PLAC1: variants seen among roughly 807,000 people sequenced by gnomAD.
PLAC1 encodes the protein placenta-specific protein 1.
For synonymous variants in PLAC1, 68 were observed against 62.1 expected (o/e 1.09, Z -0.44); for missense variants, 136 against 163.2 (o/e 0.83, Z 0.91).
chrX:134,651,856 CCAGA>C (rs2078365151), intron 1 of PLAC1, among the ~76,000 whole-genome samples: 1 of 110,712 alleles, frequency 9.0e-6, no homozygotes, highest in South Asian at 3.9e-4. Context: ...TCCCCCATAC[CCAGA>C]CAAAATGTGT....
At chrX:134,685,449 C>CTTTTTTTTTTTTTTTT (rs200498313) in intron 2 of PLAC1, among the ~76,000 whole-genome samples, 1 of 49,161 alleles carries the variant, frequency 2.0e-5, no homozygotes, top group Non-Finnish European at 3.6e-5. Flanking sequence ...AATGGCGTCC[C>CTTTTTTTTTTTTTTTT]TTTTTTTTTT....
At chrX:134,643,058 A>G (rs1261160641) in intron 1 of PLAC1, among the ~76,000 whole-genome samples, 1 of 111,957 alleles carries the variant, frequency 8.9e-6, no homozygotes, top group African/African-American at 3.2e-5. Context: ...ACTATATTAA[A>G]AAGTATAAGA....
intron 1 of PLAC1, among the ~76,000 whole-genome samples, chrX:134,741,720 AAG>A (rs1491123726): frequency 1.9e-5 from 2 of 107,969 alleles, no homozygotes; most frequent in Non-Finnish European, 3.8e-5. Context: ...AAAAAAAAAA[AAG>A]AACACACTTG....
intron 1 of PLAC1, among the ~76,000 whole-genome samples, chrX:134,653,289 G>A (rs769183910): frequency 1.8e-5 from 2 of 112,013 alleles, no homozygotes; most frequent in African/African-American, 3.2e-5. Flanking sequence ...CTAACCACCT[G>A]CTCACCCTCC....
intron 2 of PLAC1, among the ~76,000 whole-genome samples, chrX:134,577,677 G>A (rs1345280466): frequency 2.7e-5 from 3 of 109,711 alleles, no homozygotes; most frequent in African/African-American, 1.0e-4. Flanking sequence ...AACAGAGAGA[G>A]AGACTCCACC....
intron 1 of PLAC1, among the ~76,000 whole-genome samples, chrX:134,606,448 C>T (rs1311724627): frequency 4.5e-5 from 5 of 110,735 alleles, no homozygotes; most frequent in Non-Finnish European, 7.6e-5. Context: ...CATCACTAAT[C>T]AGAGAAACAC....
chrX:134,714,540 G>A (rs1437395481), intron 2 of PLAC1, among the ~76,000 whole-genome samples: 1 of 111,411 alleles, frequency 9.0e-6, no homozygotes, highest in East Asian at 2.8e-4. Context: ...CGATTCAGTG[G>A]CATTCAGTAC....
intron 2 of PLAC1, among the ~76,000 whole-genome samples, chrX:134,678,855 G>T (rs1465108328): frequency 9.8e-6 from 1 of 101,549 alleles, no homozygotes; most frequent in African/African-American, 3.6e-5. Flanking sequence ...TATATAGGTG[G>T]CCTCTAAGTC....
intron 2 of PLAC1, among the ~76,000 whole-genome samples, chrX:134,573,235 A>T (rs1376882141): frequency 8.9e-6 from 1 of 112,533 alleles, no homozygotes; most frequent in Non-Finnish European, 1.9e-5. Flanking sequence ...AAACTTGAAC[A>T]AAGAGATGTA....
At chrX:134,670,994 C>G (rs1834880881) in intron 2 of PLAC1, among the ~76,000 whole-genome samples, 1 of 111,745 alleles carries the variant, frequency 8.9e-6, no homozygotes, top group African/African-American at 3.3e-5. Context: ...ATGTGATTGC[C>G]TTGCTTCTTC....
chrX:134,705,000 TTA>T (rs746596481), intron 2 of PLAC1, among the ~76,000 whole-genome samples: 135 of 81,069 alleles, frequency 1.7e-3, no homozygotes, highest in Non-Finnish European at 2.3e-3. Context: ...CTCAAAAAAA[TTA>T]TATATATATA....
At chrX:134,695,231 GAGGCC>G (rs2078558389) in intron 2 of PLAC1, among the ~76,000 whole-genome samples, 1 of 112,335 alleles carries the variant, frequency 8.9e-6, no homozygotes, top group South Asian at 3.7e-4. Context: ...TGATTTAATA[GAGGCC>G]AGGTCAATCA....
intron 1 of PLAC1, among the ~76,000 whole-genome samples, chrX:134,763,860 G>GAA (rs1321216252): frequency 7.6e-5 from 7 of 92,356 alleles, no homozygotes; most frequent in African/African-American, 2.7e-4. Flanking sequence ...AAGAAAGAAA[G>GAA]AGAAAAGAAA....
intron 1 of PLAC1, among the ~76,000 whole-genome samples, chrX:134,656,886 C>T (rs1569399197): frequency 9.2e-6 from 1 of 108,624 alleles, no homozygotes; most frequent in Non-Finnish European, 1.9e-5. Flanking sequence ...CATGCCCAGC[C>T]TTTTTTTTTT....
chrX:134,739,203 G>T (rs1273688887), intron 1 of PLAC1, among the ~76,000 whole-genome samples: 1 of 111,945 alleles, frequency 8.9e-6, no homozygotes, highest in African/African-American at 3.3e-5. Context: ...ACTTTATGAG[G>T]CAATGGCTTA....
At chrX:134,600,666 A>G in intron 2 of PLAC1, among the ~76,000 whole-genome samples, 1 of 107,866 alleles carries the variant, frequency 9.3e-6, no homozygotes, top group East Asian at 2.9e-4. Context: ...TTTTTTTTTT[A>G]AGGATGAAGA....
At chrX:134,592,883 G>C (rs111560010) in intron 2 of PLAC1, among the ~76,000 whole-genome samples, 22 of 109,038 alleles carry the variant, frequency 2.0e-4, no homozygotes, top group Non-Finnish European at 4.2e-4. Flanking sequence ...CCGCCACCAC[G>C]CCCGGCTAAT....
intron 2 of PLAC1, among the ~76,000 whole-genome samples, chrX:134,572,787 T>C (rs1269418625): frequency 1.8e-5 from 2 of 111,409 alleles, no homozygotes; most frequent in African/African-American, 3.3e-5. Flanking sequence ...ACATATATGA[T>C]TCAAAATTAT....
chrX:134,628,726 T>G (rs991362131), intron 1 of PLAC1, among the ~76,000 whole-genome samples: 1 of 112,481 alleles, frequency 8.9e-6, no homozygotes, highest in Non-Finnish European at 1.9e-5. Flanking sequence ...ATTTTGATTC[T>G]GCCTCTTTCT....
Sources: gnomAD v4.1 joint callset for allele counts (sites outside exome capture counted in the v4.1 genomes callset) on GRCh38, gnomAD v4.1.1 for gene constraint, MANE v1.5 for transcripts, NCBI Gene and HGNC (gene_info 2026-07-23, HGNC 2026-07-21) for gene names.